Variants in UNC80 observed in about 807,000 individuals in gnomAD.
UNC80 encodes protein unc-80 homolog.
Under a neutral mutation model 384.6 loss-of-function variants are expected in UNC80, and 164 were observed. The ratio of observed to expected loss-of-function variants is 0.43; its 90% CI spans 0.38 to 0.49. The LOEUF is 0.49. Ranked by LOEUF, UNC80 falls within the 20% of genes least tolerant of loss-of-function variation. The pLI is 0.00. For missense variants in UNC80, 3,330 were observed against 4,143.0 expected, an observed-to-expected ratio of 0.80 and a Z score of 5.39; for synonymous variants, 1,486 against 1,527.8, an observed-to-expected ratio of 0.97 and a Z score of 0.64.
At chr2:209,812,407 A>G (rs1046566422) in intron 7 of UNC80, among the ~76,000 whole-genome samples, 2 of 151,984 alleles carry the variant, frequency 1.3e-5, no homozygotes, top group East Asian at 1.9e-4. Flanking sequence ...GCTGTGTCCT[A>G]TGGAATTATT....
intron 22 of UNC80, among the ~76,000 whole-genome samples, chr2:209,852,026 C>T (rs145873546): frequency 3.3e-4 from 50 of 152,084 alleles, no homozygotes; most frequent in African/African-American, 5.8e-4. Context: ...AATGAAGGAG[C>T]GCTGGAGCTT....
At chr2:209,899,996 C>A (rs762127878) in intron 28 of UNC80, among the ~76,000 whole-genome samples, 2 of 152,212 alleles carry the variant, frequency 1.3e-5, no homozygotes, top group Admixed American at 6.5e-5. Context: ...CTCTGCCTAG[C>A]TTCTTGGCCA....
chr2:209,808,724 A>T, intron 7 of UNC80: 1 of 92,582 alleles, frequency 1.1e-5, no homozygotes, highest in Non-Finnish European at 2.0e-5. Context: ...GGCTGCACTC[A>T]TTGCTCCAAG....
intron 44 of UNC80, among the ~76,000 whole-genome samples, chr2:209,942,345 C>T (rs142419459): frequency 6.6e-6 from 1 of 152,286 alleles, no homozygotes; most frequent in Non-Finnish European, 1.5e-5. Flanking sequence ...GTTCTTGAGT[C>T]ACATGTATGG....
chr2:209,963,840 G>C (rs1218045234), intron 51 of UNC80, among the ~76,000 whole-genome samples: 2 of 152,170 alleles, frequency 1.3e-5, no homozygotes, highest in Non-Finnish European at 2.9e-5. Context: ...TGGAGAAGAT[G>C]GATTGGATTT....
intron 23 of UNC80, among the ~76,000 whole-genome samples, chr2:209,876,900 T>C (rs970425912): frequency 6.6e-6 from 1 of 152,186 alleles, no homozygotes; most frequent in Non-Finnish European, 1.5e-5. Flanking sequence ...CTCAAAAATG[T>C]CTTTTCATTT....
intron 2 of UNC80, among the ~76,000 whole-genome samples, chr2:209,773,587 G>C (rs1343755156): frequency 6.6e-6 from 1 of 152,156 alleles, no homozygotes; most frequent in Non-Finnish European, 1.5e-5. Flanking sequence ...AGCACCTACT[G>C]GGGAATAAGT....
intron 38 of UNC80, 42 bp from the exon 39 acceptor site, chr2:209,933,780 G>T (rs977108086): frequency 4.7e-6 from 7 of 1,488,004 alleles, no homozygotes; most frequent in Non-Finnish European, 5.4e-6. Flanking sequence ...GTGAGCTCGG[G>T]ATTATTGTAG....
intron 4 of UNC80, among the ~76,000 whole-genome samples, chr2:209,781,666 G>A (rs1202771321): frequency 6.6e-6 from 1 of 152,160 alleles, no homozygotes; most frequent in Admixed American, 6.5e-5. Flanking sequence ...GGGGTCCCCA[G>A]AGATGCATTC....
chr2:209,780,314 G>GTAA (rs146062980), intron 4 of UNC80, among the ~76,000 whole-genome samples: 22,219 of 151,948 alleles, frequency 0.15, 2,438 homozygotes, highest in African/African-American at 0.3. Context: ...ATAGTTAGTG[G>GTAA]TAATAATATA....
At position 209,908,787 on chromosome 2, in the gene UNC80, G is replaced by A. The variant is rs75606303; in HGVS notation, c.4783-3773G>A. On this transcript the variant is annotated intron_variant, in intron 29 of 64. Transcript: ENST00000673920. ...ACCAGGCCCTGGATCTTAATTTCAT[G>A]GGCCAGGATGACTGTCCACTATAAC... 1.4e-4 allele frequency among the ~76,000 whole-genome samples: 22 copies of A among 152,232 alleles called. No homozygotes were observed. In the East Asian group the frequency reaches 4.3e-3, roughly 29 times the overall value.
chr2:209,995,211 G>C, intron 64 of UNC80, 118 bp from the exon 65 acceptor site: 3 of 1,341,212 alleles, frequency 2.2e-6, no homozygotes, highest in Non-Finnish European at 3.0e-6. Flanking sequence ...ACAAAGGCTG[G>C]AACTGGGACT....
intron 47 of UNC80, among the ~76,000 whole-genome samples, chr2:209,953,112 T>C (rs1204918755): frequency 6.6e-6 from 1 of 152,044 alleles, no homozygotes; most frequent in East Asian, 1.9e-4. Flanking sequence ...TTTAACACAA[T>C]TGGGGAATCT....
chr2:209,963,694 T>C (rs1054227514), intron 51 of UNC80, among the ~76,000 whole-genome samples: 5 of 152,232 alleles, frequency 3.3e-5, no homozygotes, highest in African/African-American at 1.2e-4. Context: ...AAAGAATGTA[T>C]AAGCTGTTTA....
chr2:209,897,596 C>T (rs2086933827), intron 28 of UNC80, among the ~76,000 whole-genome samples: 1 of 152,120 alleles, frequency 6.6e-6, no homozygotes, highest in African/African-American at 2.4e-5. Flanking sequence ...TCCAAAGCAG[C>T]CTTGAGTGTA....
intron 6 of UNC80, among the ~76,000 whole-genome samples, chr2:209,790,224 C>T (rs1488772475): frequency 6.6e-6 from 1 of 152,024 alleles, no homozygotes; most frequent in African/African-American, 2.4e-5. Flanking sequence ...ACATAGAAAT[C>T]GATACTACCA....
intron 56 of UNC80, 108 bp downstream of exon 56, chr2:209,973,378 A>G: frequency 1.8e-6 from 2 of 1,085,964 alleles, no homozygotes; most frequent in Non-Finnish European, 2.6e-6. Flanking sequence ...GTACTTAGTT[A>G]AGTTCCAACT....
rs1257245784 is a variant in UNC80 at position 209,969,597 on chromosome 2, C to A, written c.8007-171C>A. The A allele has an allele frequency of 2.3e-5, 20 of 852,346 alleles. No individual in the cohort carries two copies. The Admixed American group carries it at 6.5e-4, about 28-fold the overall frequency. The allele number at this position is 852,346 out of a possible 1,614,324, so 52.8% of individuals were successfully genotyped here. A position where few individuals can be genotyped will look rare whatever the true frequency, so the allele number is the denominator to read the frequency against. On this transcript the variant is annotated intron_variant, in intron 52 of 64. Coordinates refer to ENST00000673920, the MANE Select transcript of UNC80 (RefSeq NM_001371986.1). ...GGCAGGCCTGCCTCTGCTACGTTTT[C>A]AGTATCTTCTTCCCCTCCCAGTATG...
intron 45 of UNC80, among the ~76,000 whole-genome samples, chr2:209,944,391 C>T (rs1202653931): frequency 2.6e-5 from 4 of 152,188 alleles, no homozygotes; most frequent in Non-Finnish European, 5.9e-5. Flanking sequence ...CTACGACACT[C>T]AACCAGCAGA....
Sources: allele counts gnomAD v4.1 joint callset (sites outside exome capture counted in the v4.1 genomes callset), GRCh38; gene constraint gnomAD v4.1.1; transcripts MANE v1.5; gene names NCBI Gene and HGNC (gene_info 2026-07-23, HGNC 2026-07-21).